SEC16A: variants seen among roughly 807,000 people sequenced by gnomAD.
SEC16A encodes the protein protein transport protein Sec16A.
A neutral mutation model predicts 221.9 loss-of-function variants in SEC16A; 110 were observed. The observed-to-expected ratio is 0.50, with a 90% CI of 0.42 to 0.58. SEC16A has a LOEUF of 0.58. SEC16A is among the 20% of genes least tolerant of loss of function. The pLI, the probability that SEC16A is intolerant of heterozygous loss-of-function variation, is 0.00. For synonymous variants in SEC16A, 1,393 were observed against 1,257.7 expected, an observed-to-expected ratio of 1.11 and a Z score of -2.28; for missense variants, 3,165 against 3,097.8, an observed-to-expected ratio of 1.02 and a Z score of -0.52.
intron 1 of SEC16A, among the ~76,000 whole-genome samples, chr9:136,480,522 T>C (rs1842188085): frequency 1.3e-5 from 2 of 152,316 alleles, no homozygotes; most frequent in South Asian, 4.1e-4. Flanking sequence ...TGATTATTTT[T>C]TCCTAAAAAA....
chr9:136,459,032 A>C lies in SEC16A; in HGVS notation c.5409+102T>G. Reference sequence around the variant, plus strand: ...GATCCTCCCCCAAAAAACTCACATCATTTTTTTCGATACCAATTCAAACAA... The same window carrying C: ...GATCCTCCCCCAAAAAACTCACATCCTTTTTTTCGATACCAATTCAAACAA... On this transcript the variant is annotated intron_variant, in intron 17 of 31. Transcript: ENST00000684901. The surrounding 1 kb of genome is among the most constrained non-coding windows in gnomAD (Gnocchi z 6.1). The C allele has an allele frequency of 1.3e-6, 1 of 741,918 alleles. No individual in the cohort carries two copies. Among genetic ancestry groups the C allele is most frequent in the Non-Finnish European group, 2.1e-6 (1 of 471,748 alleles). The allele number at this position is 741,918 out of a possible 1,614,324, so 46.0% of individuals were successfully genotyped here. A position where few individuals can be genotyped will look rare whatever the true frequency, so the allele number is the denominator to read the frequency against.
At chr9:136,484,435 G>A (rs376968498), upstream of SEC16A, 360 of 1,201,766 alleles carry the variant, frequency 3.0e-4, 2 homozygotes, top group African/African-American at 5.2e-3. Flanking sequence ...GAGCGGTTGA[G>A]GAAGCGGCCA....
In SEC16A at chr9:136,474,491, T is replaced by G; in HGVS notation, c.3125A>C (p.Gln1042Pro). 1 of 1,613,142 alleles carries G rather than the reference T, an allele frequency of 6.2e-7. No individual in the cohort carries two copies. Among genetic ancestry groups the G allele is most frequent in the Non-Finnish European group, 8.5e-7 (1 of 1,179,874 alleles). Residue 1042 changes from glutamine (Q) to proline (P), a missense_variant, in exon 3 of 32, where the codon CAG becomes CCG. Transcript: ENST00000684901. ...PGAPNLDRFY[Q>P]QVTKDAQGQP... is the part of the protein sequence containing the mutation. ...GCCCTGGGCATCTTTCGTGACCTGC[T>G]GATAAAAACGGTCAAGGTTAGGCGC...
Position 136,456,548 on chromosome 9 carries a change from T to C in SEC16A, c.5551-382A>G, listed in dbSNP as rs577043247. Among the ~76,000 whole-genome samples the C allele has an allele frequency of 3.9e-5, 6 of 152,330 alleles. No homozygotes were observed. The South Asian group carries it at 1.2e-3, about 32-fold the overall frequency. On this transcript the variant is annotated intron_variant, in intron 18 of 31. Coordinates refer to ENST00000684901, the MANE Select transcript of SEC16A (RefSeq NM_014866.2). ...GGGACAGAGGGGGCAGAACACAAGT[T>C]TGGCCCTGTGTTCGTAACCACTAAG...
chr9:136,445,893 C>T lies in SEC16A; in HGVS notation c.6793-174G>A, dbSNP rs527448326. On this transcript the variant is annotated intron_variant, in intron 28 of 31. Transcript: ENST00000684901. ...CACACGTGGGTCCAGCCGCACAACC[C>T]TGTTGACTCTAGACCCCTGCAGCTC... Among the ~76,000 whole-genome samples, 41 of 152,324 alleles carry T rather than the reference C, an allele frequency of 2.7e-4. 1 individual carries two copies. The highest frequency in any genetic ancestry group is 9.4e-4 in the African/African-American group (39 of 41,570).
At chr9:136,484,679 G>T (rs1842769282), upstream of SEC16A, 10 of 1,366,378 alleles carry the variant, frequency 7.3e-6, no homozygotes, top group Non-Finnish European at 9.8e-6. Flanking sequence ...TGCCACGCCA[G>T]CAGGGCCGCA....
chr9:136,479,599 G>A (rs550892488), intron 1 of SEC16A, among the ~76,000 whole-genome samples: 15 of 152,158 alleles, frequency 9.9e-5, no homozygotes, highest in South Asian at 8.3e-4. Flanking sequence ...TAATCCACCC[G>A]CCTCGGCCTC....
At chr9:136,463,868 A>C in intron 9 of SEC16A, 128 bp from the exon 10 acceptor site, 1 of 922,720 alleles carries the variant, frequency 1.1e-6, no homozygotes, top group Non-Finnish European at 1.7e-6. Flanking sequence ...CCCGCCCCAC[A>C]GCAGGTGAAG....
chr9:136,483,566 A>G (rs1411471816), upstream of SEC16A: 48 of 984,160 alleles, frequency 4.9e-5, no homozygotes, highest in Non-Finnish European at 5.5e-5. Context: ...CCGTCCCAGT[A>G]CGTCGCCCTG....
Position 136,483,024 on chromosome 9 carries a change from G to A in SEC16A, c.-278C>T, listed in dbSNP as rs1842613578. The A allele has an allele frequency of 1.0e-6, 1 of 985,132 alleles. No individual in the cohort carries two copies. The highest frequency in any genetic ancestry group is 6.1e-5 in the Admixed American group (1 of 16,266). 61.0% of individuals were successfully genotyped at this position (985,132 alleles called of 1,614,324 possible). On this transcript the variant is annotated 5_prime_UTR_variant, in exon 1 of 32. Transcript: ENST00000684901. ...GAGCACAGACACCTCAGCCGCCGCAGCCATCTTGGCACATCCGGCTCGGGT... is the reference window on the plus strand; with the variant it reads ...GAGCACAGACACCTCAGCCGCCGCAACCATCTTGGCACATCCGGCTCGGGT...
chr9:136,445,740 T>C (rs929286835), intron 28 of SEC16A, 21 bp from the exon 29 acceptor site: 2 of 1,547,604 alleles, frequency 1.3e-6, no homozygotes, highest in Non-Finnish European at 1.7e-6. Flanking sequence ...AAAGAAGAAT[T>C]GCAGCAACCA....
chr9:136,453,594 A>C (rs1588903498), intron 21 of SEC16A, 84 bp from the exon 22 acceptor site: 2 of 1,043,942 alleles, frequency 1.9e-6, no homozygotes, highest in Non-Finnish European at 3.0e-6. Flanking sequence ...CAGGCACACC[A>C]CCTTCCCACC....
chr9:136,449,583 C>T (rs1451718311), intron 23 of SEC16A, among the ~76,000 whole-genome samples: 4 of 151,798 alleles, frequency 2.6e-5, no homozygotes, highest in Non-Finnish European at 4.4e-5. Flanking sequence ...GGAGCTGCTG[C>T]GCCCGGCCTC....
chr9:136,483,257 G>A (rs1176131783), upstream of SEC16A, among the ~76,000 whole-genome samples: 1 of 81,690 alleles, frequency 1.2e-5, no homozygotes, highest in African/African-American at 4.5e-5. Context: ...GCCGGCGTCC[G>A]TTCTTCCCCG....
At chr9:136,483,074 G>A (rs1564557667), upstream of SEC16A, 3 of 963,358 alleles carry the variant, frequency 3.1e-6, no homozygotes, top group Non-Finnish European at 3.7e-6. Context: ...CGCCGCCGAC[G>A]TGTCCGGCTT....
chr9:136,443,223 C>A (rs113339580), intron 31 of SEC16A, among the ~76,000 whole-genome samples: 1 of 122,002 alleles, frequency 8.2e-6, no homozygotes, highest in African/African-American at 3.1e-5. Flanking sequence ...CGGAGGGCCT[C>A]GTGTCGACAG....
At chr9:136,456,341 G>A (rs1416255084) in intron 18 of SEC16A, among the ~76,000 whole-genome samples, 175 bp from the exon 19 acceptor site, 1 of 152,248 alleles carries the variant, frequency 6.6e-6, no homozygotes, top group Non-Finnish European at 1.5e-5. Context: ...GACGCTGGGT[G>A]ACTGGGAAGT....
intron 17 of SEC16A, among the ~76,000 whole-genome samples, chr9:136,458,734 T>A (rs551622085): frequency 1.9e-4 from 29 of 151,830 alleles, no homozygotes; most frequent in Admixed American, 1.4e-3. Flanking sequence ...GAGTTTAGGA[T>A]CAGTCTGGGC....
Position 136,459,279 on chromosome 9 carries a change from C to T in SEC16A, c.5304-40G>A. ...AATTATTTTGATTTGGAAAAAATGG[C>T]CAATTATTGGCATAGTCAACCTTGG... On this transcript the variant is annotated intron_variant, in intron 16 of 31. Transcript: ENST00000684901. This position sits in a 1 kb window ranked among gnomAD's most constrained non-coding sequence, Gnocchi z 6.1. The T allele has an allele frequency of 6.3e-7, 1 of 1,581,236 alleles. No homozygotes were observed. Among genetic ancestry groups the T allele is most frequent in the South Asian group, 1.1e-5 (1 of 89,092 alleles).
Sources: allele counts gnomAD v4.1 joint callset (sites outside exome capture counted in the v4.1 genomes callset), GRCh38; gene constraint gnomAD v4.1.1; non-coding constraint Gnocchi (gnomAD v3.1); transcripts MANE v1.5; gene names NCBI Gene and HGNC (gene_info 2026-07-23, HGNC 2026-07-21).